Variants in HS3ST5 observed in about 807,000 individuals in gnomAD.
HS3ST5 encodes the protein heparan sulfate glucosamine 3-O-sulfotransferase 5.
In HS3ST5, 10 loss-of-function variants were observed where a neutral mutation model predicts 25.4. That is an observed-to-expected ratio of 0.39 (90% CI 0.24 to 0.67). The LOEUF (loss-of-function observed/expected upper bound fraction) is 0.67, where lower values mean the gene tolerates loss of function less well. Ranked by LOEUF, HS3ST5 falls within the 30% of genes least tolerant of loss-of-function variation. HS3ST5 has a pLI of 0.44. For missense variants in HS3ST5, 324 were observed against 420.7 expected (o/e 0.77, Z 2.01); for synonymous variants, 170 against 162.4 (o/e 1.05, Z -0.36).
chr6:114,124,437 C>G (rs577287468), intron 3 of HS3ST5, among the ~76,000 whole-genome samples: 1 of 152,298 alleles, frequency 6.6e-6, no homozygotes, highest in Admixed American at 6.5e-5. Flanking sequence ...TTCAACTAAC[C>G]ACACCCATTC....
chr6:114,293,888 G>T (rs1264290393), intron 1 of HS3ST5, among the ~76,000 whole-genome samples: 2 of 152,298 alleles, frequency 1.3e-5, no homozygotes, highest in East Asian at 3.9e-4. Flanking sequence ...GTGCCCAGGA[G>T]ACCATCAATA....
At chr6:114,339,685 C>G (rs1418418420) in intron 1 of HS3ST5, among the ~76,000 whole-genome samples, 1 of 152,144 alleles carries the variant, frequency 6.6e-6, no homozygotes, top group Non-Finnish European at 1.5e-5. Flanking sequence ...AGAAATCATA[C>G]AGTGCACAGA....
intron 3 of HS3ST5, among the ~76,000 whole-genome samples, chr6:114,116,398 G>A (rs1056232007): frequency 5.9e-5 from 9 of 152,048 alleles, no homozygotes; most frequent in African/African-American, 2.2e-4. Context: ...GTTTGCCTAG[G>A]TTATGGGCTA....
At chr6:114,179,883 C>G (rs1347149768) in intron 2 of HS3ST5, among the ~76,000 whole-genome samples, 1 of 152,064 alleles carries the variant, frequency 6.6e-6, no homozygotes, top group African/African-American at 2.4e-5. Context: ...CCTAGCATAC[C>G]ACTGGTGTAA....
At chr6:114,332,735 C>T (rs1299868227) in intron 1 of HS3ST5, among the ~76,000 whole-genome samples, 2 of 151,968 alleles carry the variant, frequency 1.3e-5, no homozygotes, top group Non-Finnish European at 2.9e-5. Context: ...GATAGCCCAT[C>T]CTGGCTTGGG....
At chr6:114,113,057 T>C (rs917185439) in intron 3 of HS3ST5, among the ~76,000 whole-genome samples, 4 of 152,146 alleles carry the variant, frequency 2.6e-5, no homozygotes, top group African/African-American at 9.7e-5. Context: ...TTAATTCCAC[T>C]TTCCCCCTCA....
chr6:114,298,874 G>A (rs1440009554), intron 1 of HS3ST5, among the ~76,000 whole-genome samples: 4 of 152,120 alleles, frequency 2.6e-5, no homozygotes, highest in Admixed American at 1.3e-4. Flanking sequence ...AAGCTGAGGA[G>A]TATGTATGTC....
At chr6:114,095,460 G>A (rs1775372622) in intron 3 of HS3ST5, among the ~76,000 whole-genome samples, 1 of 152,178 alleles carries the variant, frequency 6.6e-6, no homozygotes, top group South Asian at 2.1e-4. Flanking sequence ...CATGAATATG[G>A]GAGAGGGAGG....
chr6:114,199,199 C>T (rs1205100101), intron 2 of HS3ST5, among the ~76,000 whole-genome samples: 1 of 152,066 alleles, frequency 6.6e-6, no homozygotes, highest in Non-Finnish European at 1.5e-5. Flanking sequence ...AAATAGCATA[C>T]CATGTACCAA....
intron 3 of HS3ST5, among the ~76,000 whole-genome samples, chr6:114,120,801 A>G (rs1776750055): frequency 6.6e-6 from 1 of 152,214 alleles, no homozygotes; most frequent in Admixed American, 6.5e-5. Flanking sequence ...ACAAATGTAT[A>G]GGTGAGGGTA....
At position 114,124,630 on chromosome 6, in the gene HS3ST5, C is replaced by CTT. The variant is rs565626745; in HGVS notation, c.-33+43719_-33+43720dup. On this transcript the variant is annotated intron_variant, in intron 3 of 4. Coordinates refer to ENST00000312719, the MANE Select transcript of HS3ST5 (RefSeq NM_153612.4). ...TAAGCAGCTCTGTCCAGGATTAGCT[C>CTT]TTTTTTTTTTTTTTTAATCAAATGG... is the stretch of plus-strand genomic sequence containing the variant. Among the ~76,000 whole-genome samples, 93 of 127,830 alleles carry CTT rather than the reference C, an allele frequency of 7.3e-4. 1 individual carries two copies. The South Asian group carries it at 0.015, about 20-fold the overall frequency. The allele number at this position is 127,830 out of a possible 152,430, so 83.9% of individuals were successfully genotyped here.
At chr6:114,273,319 G>A (rs1484368508) in intron 1 of HS3ST5, among the ~76,000 whole-genome samples, 1 of 152,008 alleles carries the variant, frequency 6.6e-6, no homozygotes, top group African/African-American at 2.4e-5. Flanking sequence ...AAAAGGTGCT[G>A]GAAGAGAATT....
At chr6:114,191,245 C>A (rs1264215756) in intron 2 of HS3ST5, among the ~76,000 whole-genome samples, 2 of 151,848 alleles carry the variant, frequency 1.3e-5, no homozygotes, top group Non-Finnish European at 2.9e-5. Context: ...CTTTTGATCT[C>A]TCTCCTTATT....
chr6:114,282,467 C>T (rs1371620252), intron 1 of HS3ST5, among the ~76,000 whole-genome samples: 3 of 151,970 alleles, frequency 2.0e-5, no homozygotes, highest in Non-Finnish European at 4.4e-5. Context: ...TCCCCGTTCT[C>T]TTAGGCTATT....
chr6:114,057,824 T>A lies in HS3ST5; in HGVS notation c.474A>T (p.Ala158=). The A allele has an allele frequency of 1.2e-6, 2 of 1,614,180 alleles. No homozygotes were observed. The highest frequency in any genetic ancestry group is 1.7e-6 in the Non-Finnish European group (2 of 1,180,022). The change falls in exon 5 of 5, where the codon GCA becomes GCT. Residue 158 remains alanine, a synonymous_variant. Transcript: ENST00000312719. ...PQQITIEKSP[A]YFITEEVPER... ...CTGGAACCTCCTCTGTGATAAAATATGCTGGGCTCTTTTCAATTGTGATTT... is the reference window on the plus strand; with the variant it reads ...CTGGAACCTCCTCTGTGATAAAATAAGCTGGGCTCTTTTCAATTGTGATTT...
At chr6:114,269,447 G>A (rs990304997) in intron 1 of HS3ST5, among the ~76,000 whole-genome samples, 4 of 152,132 alleles carry the variant, frequency 2.6e-5, no homozygotes, top group Admixed American at 1.3e-4. Flanking sequence ...TTGAATAGTT[G>A]TGTAATTTTC....
At chr6:114,218,367 G>A (rs1417201851) in intron 2 of HS3ST5, among the ~76,000 whole-genome samples, 1 of 152,180 alleles carries the variant, frequency 6.6e-6, no homozygotes, top group African/African-American at 2.4e-5. Context: ...AAACAAAATG[G>A]AAAAGAATGT....
intron 3 of HS3ST5, among the ~76,000 whole-genome samples, chr6:114,120,475 C>G (rs1227010608): frequency 1.3e-5 from 2 of 152,156 alleles, no homozygotes; most frequent in African/African-American, 4.8e-5. Context: ...ATTACATATA[C>G]TGTTTTTACA....
rs78647242 is a variant in HS3ST5 at position 114,143,326 on chromosome 6, C to T, written c.-33+25025G>A. 2.9e-3 allele frequency among the ~76,000 whole-genome samples: 439 copies of T among 152,292 alleles called. 1 individual carries two copies. The highest frequency in any genetic ancestry group is 0.01 in the African/African-American group (425 of 41,538). ...ATAATAAGTACTGCAAAATGTCTAG[C>T]ATAATAATGATTATCATTGTTAATA... On this transcript the variant is annotated intron_variant, in intron 3 of 4. Coordinates refer to ENST00000312719, the MANE Select transcript of HS3ST5 (RefSeq NM_153612.4).
Sources: gnomAD v4.1 joint callset for allele counts (sites outside exome capture counted in the v4.1 genomes callset) on GRCh38, gnomAD v4.1.1 for gene constraint, MANE v1.5 for transcripts, NCBI Gene and HGNC (gene_info 2026-07-23, HGNC 2026-07-21) for gene names.